Variants in ARID4A observed in about 807,000 individuals in gnomAD.
The protein encoded by ARID4A is AT-rich interactive domain-containing protein 4A.
In ARID4A, 39 loss-of-function variants were observed where a neutral mutation model predicts 148.6. That is an observed-to-expected ratio of 0.26 (90% CI 0.20 to 0.34). ARID4A has a LOEUF of 0.34. Among genes scored for constraint, ARID4A ranks in the 10% least tolerant of loss-of-function variants. The pLI, the probability that ARID4A is intolerant of heterozygous loss-of-function variation, is 1.00. For missense variants in ARID4A, 1,265 were observed against 1,449.1 expected, an observed-to-expected ratio of 0.87 and a Z score of 2.06; for synonymous variants, 475 against 481.2, an observed-to-expected ratio of 0.99 and a Z score of 0.17.
At chr14:58,344,887 T>C in intron 12 of ARID4A, 120 bp downstream of exon 12, 1 of 765,322 alleles carries the variant, frequency 1.3e-6, no homozygotes, top group Non-Finnish European at 2.1e-6. Flanking sequence ...TATTTATTTA[T>C]TTTGAGGCAG....
chr14:58,317,435 C>T (rs1211138412), intron 5 of ARID4A, among the ~76,000 whole-genome samples: 1 of 149,512 alleles, frequency 6.7e-6, no homozygotes, highest in African/African-American at 2.4e-5. Flanking sequence ...CAGGCGCCCG[C>T]CACCACGTCT....
chr14:58,364,644 A>G lies in ARID4A; in HGVS notation c.2555A>G (p.Glu852Gly), dbSNP rs2140269841. 6.2e-7 allele frequency: 1 copy of G among 1,614,004 alleles called. No homozygotes were observed. The highest frequency in any genetic ancestry group is 1.6e-4 in the Middle Eastern group (1 of 6,062). ...GATGAAATTGACCAATGTGTGAAAG[A>G]AAAGAAGTTGAAACGGAAAATACTA... ...TEDEIDQCVK[E>G]KKLKRKILGQ... The change falls in exon 20 of 24, where the codon GAA becomes GGA. Residue 852 changes from glutamate to glycine, a missense_variant. Physicochemically the swap from Glu to Gly is moderately conservative, Grantham distance 98. This residue lies in a region of ARID4A where 666 missense variants were observed against 730.9 expected (regional missense o/e 0.91). Transcript: ENST00000355431.
At position 58,351,163 on chromosome 14, in the gene ARID4A, G is replaced by C; in HGVS notation, c.1495G>C (p.Glu499Gln). 1 of 1,610,854 alleles carries C rather than the reference G, an allele frequency of 6.2e-7. No individual in the cohort carries two copies. Among genetic ancestry groups the C allele is most frequent in the Non-Finnish European group, 8.5e-7 (1 of 1,179,256 alleles). ...TEDKLKDNDT[E>Q]NKDVDDDYET... is the part of the protein sequence containing the mutation. ...AGACAAATTAAAAGATAATGATACAGAAAATAAGGATGTAGATGATGACTA... is the reference window on the plus strand; with the variant it reads ...AGACAAATTAAAAGATAATGATACACAAAATAAGGATGTAGATGATGACTA... The change falls in exon 16 of 24, where the codon GAA becomes CAA. Residue 499 changes from glutamate to glutamine, a missense_variant. Coordinates refer to ENST00000355431, the MANE Select transcript of ARID4A (RefSeq NM_002892.4).
intron 3 of ARID4A, among the ~76,000 whole-genome samples, chr14:58,303,377 G>A (rs183262628): frequency 6.6e-6 from 1 of 152,236 alleles, no homozygotes; most frequent in East Asian, 1.9e-4. Context: ...CTGCGGTATA[G>A]AACACTGTGA....
At chr14:58,369,673 A>T (rs1169295224) in intron 23 of ARID4A, among the ~76,000 whole-genome samples, 1 of 152,098 alleles carries the variant, frequency 6.6e-6, no homozygotes, top group African/African-American at 2.4e-5. Context: ...ACATATATAA[A>T]AAGAAATGGA....
chr14:58,341,477 C>T (rs2034116679), intron 11 of ARID4A, among the ~76,000 whole-genome samples: 1 of 152,228 alleles, frequency 6.6e-6, no homozygotes, highest in South Asian at 2.1e-4. Flanking sequence ...CATTCATTCC[C>T]TCACTTGCTC....
At chr14:58,339,452 A>G (rs181226462) in intron 11 of ARID4A, among the ~76,000 whole-genome samples, 136 of 152,262 alleles carry the variant, frequency 8.9e-4, no homozygotes, top group African/African-American at 3.0e-3. Context: ...ACGCTAGGAA[A>G]CTATCCCAAG....
chr14:58,346,745 T>C (rs993448740), intron 13 of ARID4A, among the ~76,000 whole-genome samples: 1 of 150,926 alleles, frequency 6.6e-6, no homozygotes, highest in Non-Finnish European at 1.5e-5. Context: ...CTGGGCAACA[T>C]GGCGAAACCC....
At chr14:58,298,995 G>A (rs1447270203) in intron 1 of ARID4A, among the ~76,000 whole-genome samples, 1 of 152,216 alleles carries the variant, frequency 6.6e-6, no homozygotes, top group African/African-American at 2.4e-5. Flanking sequence ...AGAGCGGGCT[G>A]CTTGGGGGAG....
chr14:58,299,147 C>T (rs1210335144), intron 1 of ARID4A, among the ~76,000 whole-genome samples: 1 of 152,200 alleles, frequency 6.6e-6, no homozygotes, highest in African/African-American at 2.4e-5. Flanking sequence ...GTGCGGCTCC[C>T]CTCCCCTCCC....
Position 58,335,186 on chromosome 14 carries a change from A to G in ARID4A, c.906+5017A>G, listed in dbSNP as rs185377424. Among the ~76,000 whole-genome samples, 59 of 152,294 alleles carry G rather than the reference A, an allele frequency of 3.9e-4. 1 individual carries two copies. The highest frequency in any genetic ancestry group is 3.8e-3 in the Admixed American group (58 of 15,286). Reference sequence around the variant, plus strand: ...TAACTTCTTAGAATGCTTGATATCCATGACGACATCACATTTTTGGCCTAC... The same window carrying G: ...TAACTTCTTAGAATGCTTGATATCCGTGACGACATCACATTTTTGGCCTAC... On this transcript the variant is annotated intron_variant, in intron 11 of 23. Coordinates refer to ENST00000355431, the MANE Select transcript of ARID4A (RefSeq NM_002892.4).
chr14:58,339,717 TATAA>T (rs1255532538), intron 11 of ARID4A, among the ~76,000 whole-genome samples: 1 of 152,156 alleles, frequency 6.6e-6, no homozygotes, highest in Admixed American at 6.5e-5. Flanking sequence ...TTGGGTATTT[TATAA>T]AGAGGTTTAA....
intron 17 of ARID4A, among the ~76,000 whole-genome samples, chr14:58,358,782 C>T (rs2035003347): frequency 6.6e-6 from 1 of 152,168 alleles, no homozygotes; most frequent in Non-Finnish European, 1.5e-5. Flanking sequence ...CATTCAATAG[C>T]ACGAATTCTA....
At chr14:58,303,829 A>C (rs2031386332) in intron 3 of ARID4A, 1 of 193,936 alleles carries the variant, frequency 5.2e-6, no homozygotes, top group African/African-American at 2.3e-5. Flanking sequence ...AAGTTTAAGA[A>C]TCAGGTTGGG....
chr14:58,301,217 A>G (rs1181899797), intron 2 of ARID4A, among the ~76,000 whole-genome samples: 1 of 152,210 alleles, frequency 6.6e-6, no homozygotes, highest in East Asian at 1.9e-4. Flanking sequence ...AATTTCAGGA[A>G]GCTATAAATG....
intron 5 of ARID4A, 68 bp downstream of exon 5, chr14:58,306,180 A>G: frequency 9.2e-7 from 1 of 1,089,684 alleles, no homozygotes; most frequent in Non-Finnish European, 1.4e-6. Context: ...TTGTGGATAC[A>G]CTGAATCATT....
In ARID4A at chr14:58,359,178, A is replaced by G. The variant is rs750257085; in HGVS notation, c.1900A>G (p.Lys634Glu). ...TGACAGGATAATCTGGCCTTTGGAC[A>G]AAGGTGGACCAAAGAAAAAACAGAA... The part of the protein sequence containing the change: ...KADRIIWPLD[K>E]GGPKKKQKKK... Residue 634 changes from lysine to glutamate, a missense_variant, in exon 18 of 24, where the codon AAA becomes GAA. Transcript: ENST00000355431. 1 of 1,601,652 alleles carries G rather than the reference A, an allele frequency of 6.2e-7. No homozygotes were observed. The highest frequency in any genetic ancestry group is 1.1e-5 in the South Asian group (1 of 88,470).
At chr14:58,367,409 G>A (rs908454532) in intron 23 of ARID4A, among the ~76,000 whole-genome samples, 1 of 152,226 alleles carries the variant, frequency 6.6e-6, no homozygotes, top group East Asian at 1.9e-4. Flanking sequence ...ATCTTGTTGG[G>A]ATTATAAATC....
At chr14:58,351,008 A>T (rs1594943719) in intron 15 of ARID4A, 65 bp from the exon 16 acceptor site, 7 of 1,485,550 alleles carry the variant, frequency 4.7e-6, no homozygotes, top group Non-Finnish European at 5.4e-6. Context: ...AGGAAAAGAT[A>T]TTTTTTCCTG....
Sources: allele counts gnomAD v4.1 joint callset (sites outside exome capture counted in the v4.1 genomes callset), GRCh38; gene constraint gnomAD v4.1.1; regional missense constraint gnomAD v4.1.1; transcripts MANE v1.5; gene names NCBI Gene and HGNC (gene_info 2026-07-23, HGNC 2026-07-21).